PLEKHG4B: variants seen among roughly 807,000 people sequenced by gnomAD.
The protein encoded by PLEKHG4B is pleckstrin homology and RhoGEF domain containing G4B, also known as pleckstrin homology domain-containing family G member 4B.
Under a neutral mutation model 121.3 loss-of-function variants are expected in PLEKHG4B, and 111 were observed. The ratio of observed to expected loss-of-function variants is 0.92; its 90% CI spans 0.78 to 1.07. The LOEUF is 1.07. Among genes scored for constraint, PLEKHG4B ranks in the 50% least tolerant of loss-of-function variants. The pLI, the probability that PLEKHG4B is intolerant of heterozygous loss-of-function variation, is 0.00. For missense variants in PLEKHG4B, 1,831 were observed against 1,757.8 expected, an observed-to-expected ratio of 1.04 and a Z score of -0.74; for synonymous variants, 738 against 725.0, an observed-to-expected ratio of 1.02 and a Z score of -0.29.
rs116836100 is a variant in PLEKHG4B, at chr5:161,925, C to T, written c.2630C>T (p.Ser877Leu). Reference sequence around the variant, plus strand: ...GGAGAGCTGGCCAGGTGGACCCGCTCGTCCGAGTTGTGCGAGACGGTAAGA... The same window carrying T: ...GGAGAGCTGGCCAGGTGGACCCGCTTGTCCGAGTTGTGCGAGACGGTAAGA... Reference protein sequence around the residue: ...REGELARWTRSSELCETVSSW... With the variant: ...REGELARWTRLSELCETVSSW... Residue 877 changes from serine (S) to leucine (L), a missense_variant, in exon 12 of 20, where the codon TCG becomes TTG. Transcript: ENST00000637938. 359 of 1,612,218 alleles carry T rather than the reference C, an allele frequency of 2.2e-4. 1 individual carries two copies. Among genetic ancestry groups the T allele is most frequent in the South Asian group, 8.8e-4 (80 of 91,018 alleles).
rs1479020367 is a variant in PLEKHG4B at position 164,998 on chromosome 5, GGGGCAGGGCTCACAGTAATGCTCTGACA to G, written c.3476+1455_3476+1482del. ...GCGGAGCTCACACTAATGCTCTGAC[GGGGCAGGGCTCACAGTAATGCTCTGACA>G]GGGCGGAGCTCACACTAATGCTCTG... is the stretch of plus-strand genomic sequence containing the variant. On this transcript the variant is annotated intron_variant, in intron 13 of 19. Transcript: ENST00000637938. Among the ~76,000 whole-genome samples the G allele has an allele frequency of 2.0e-3, 132 of 66,010 alleles. 43 individuals carry two copies. The highest frequency in any genetic ancestry group is 3.4e-3 in the Non-Finnish European group (93 of 27,540). 43.3% of individuals were successfully genotyped at this position (66,010 alleles called of 152,430 possible).
rs1362856653 is a variant in PLEKHG4B at position 181,683 on chromosome 5, G to A, written c.4564+8G>A. 3 of 1,610,230 alleles carry A rather than the reference G, an allele frequency of 1.9e-6. No individual in the cohort carries two copies. The highest frequency in any genetic ancestry group is 2.5e-6 in the Non-Finnish European group (3 of 1,178,088). ...GCATCGTCAAGGGCACAGGTACGGT[G>A]GCTCGGTCCCGCCCTCACTCACCCT... On this transcript the variant is annotated splice_region_variant and intron_variant, in intron 19 of 19. Coordinates refer to ENST00000637938, the MANE Select transcript of PLEKHG4B (RefSeq NM_052909.5).
rs1664528855 is a variant in PLEKHG4B, at chr5:183,414, G to A, written c.*1091G>A. The stretch of plus-strand genomic sequence containing the variant: ...CCACCCAGAGCCAGCGTCTGTGCTA[G>A]AATCACAGAATTCAAACTGTGGCTG... On this transcript the variant is annotated 3_prime_UTR_variant, in exon 20 of 20. Coordinates refer to ENST00000637938, the MANE Select transcript of PLEKHG4B (RefSeq NM_052909.5). 6.6e-6 allele frequency: 1 copy of A among 152,222 alleles called. No individual in the cohort carries two copies. The highest frequency in any genetic ancestry group is 6.5e-5 in the Admixed American group (1 of 15,286). 9.4% of individuals were successfully genotyped at this position (152,222 alleles called of 1,614,324 possible). A position where few individuals can be genotyped will look rare whatever the true frequency, so the allele number is the denominator to read the frequency against.
intron 1 of PLEKHG4B, among the ~76,000 whole-genome samples, chr5:106,497 T>G (rs1422126053): frequency 6.6e-6 from 1 of 152,238 alleles, no homozygotes; most frequent in Non-Finnish European, 1.5e-5. Context: ...GTTCTTAGTT[T>G]GGCAGAAAAA....
At position 156,143 on chromosome 5, in the gene PLEKHG4B, C is replaced by T. The variant is rs746935465; in HGVS notation, c.2281C>T (p.Leu761Phe). ...CCTGGAAGACCCACTGCTTGTGTCT[C>T]TCAGGCTGGAGGGGGGCACCGTCCT... ...LVLEDPLLVS[L>F]RLEGGTVLAR... Residue 761 changes from leucine (L) to phenylalanine (F), a missense_variant, in exon 10 of 20, where the codon CTC (leucine) becomes TTC (phenylalanine). Physicochemically the swap from Leu to Phe is conservative, Grantham distance 22 (BLOSUM62 0). Transcript: ENST00000637938. This position sits in a 1 kb window ranked among gnomAD's most constrained non-coding sequence, Gnocchi z 4.4. The T allele has an allele frequency of 1.3e-6, 2 of 1,596,348 alleles. No individual in the cohort carries two copies. Among genetic ancestry groups the T allele is most frequent in the South Asian group, 2.3e-5 (2 of 88,652 alleles).
chr5:178,507 A>G (rs1162590216), intron 18 of PLEKHG4B, among the ~76,000 whole-genome samples: 2 of 152,154 alleles, frequency 1.3e-5, no homozygotes, highest in Non-Finnish European at 2.9e-5. Context: ...CAGATTTTTT[A>G]TATCCTTATT....
intron 2 of PLEKHG4B, among the ~76,000 whole-genome samples, chr5:117,476 A>G (rs181116260): frequency 1.4e-4 from 22 of 152,306 alleles, no homozygotes; most frequent in African/African-American, 5.3e-4. Flanking sequence ...TTAATCACTT[A>G]TCAAGTTATT....
chr5:120,700 T>C (rs904996869), intron 2 of PLEKHG4B, among the ~76,000 whole-genome samples: 1 of 152,128 alleles, frequency 6.6e-6, no homozygotes, highest in Admixed American at 6.5e-5. Flanking sequence ...CATTTCCTCT[T>C]GAAAGGAAAC....
chr5:140,692 G>A lies in PLEKHG4B; in HGVS notation c.1453G>A (p.Gly485Ser), dbSNP rs754586625. ...GACCCCAAACTGTGTCCCAGTAGAG[G>A]GTCCCGGCTGCACCAAAGAGGAAGG... ...VGTPNCVPVE[G>S]PGCTKEEDVL... The change falls in exon 3 of 20, where the codon GGT (glycine) becomes AGT (serine). Residue 485 changes from glycine to serine, a missense_variant. Physicochemically the swap from Gly to Ser is moderately conservative, Grantham distance 56. Coordinates refer to ENST00000637938, the MANE Select transcript of PLEKHG4B (RefSeq NM_052909.5). 7 of 1,584,398 alleles carry A rather than the reference G, an allele frequency of 4.4e-6. No individual in the cohort carries two copies. In the African/African-American group the frequency reaches 9.5e-5, roughly 21 times the overall value.
intron 18 of PLEKHG4B, among the ~76,000 whole-genome samples, chr5:175,466 G>A (rs1353142857): frequency 2.6e-5 from 4 of 151,982 alleles, no homozygotes; most frequent in African/African-American, 4.8e-5. Flanking sequence ...AGCACCTCAC[G>A]AGTAGCCAAA....
At chr5:143,687 C>A (rs1735308973) in intron 5 of PLEKHG4B, among the ~76,000 whole-genome samples, 184 bp downstream of exon 5, 2 of 152,244 alleles carry the variant, frequency 1.3e-5, no homozygotes, top group African/African-American at 4.8e-5. Context: ...CCATTTCTTG[C>A]CTTCTCTACA....
chr5:140,273 G>C lies in PLEKHG4B; in HGVS notation c.1034G>C (p.Cys345Ser). 3.4e-6 allele frequency: 5 copies of C among 1,460,678 alleles called. No homozygotes were observed. In the South Asian group the frequency reaches 7.3e-5, roughly 21 times the overall value. 90.5% of individuals were successfully genotyped at this position (1,460,678 alleles called of 1,614,324 possible). Residue 345 changes from cysteine to serine, a missense_variant, in exon 3 of 20, where the codon TGT becomes TCT. Cys to Ser is a moderately radical substitution (Grantham distance 112). Transcript: ENST00000637938. The stretch of plus-strand genomic sequence containing the variant: ...AGGCGGCCGCCGGGGGACCCCACTT[G>C]TGTGCAGCCTAGACGCTGGTTCAGG... ...SRRRPPGDPT[C>S]VQPRRWFRES...
chr5:171,875 G>GCAGCTCACCCATATGCTGCTGCCCGCGA (rs1736566457), intron 16 of PLEKHG4B, among the ~76,000 whole-genome samples: 1 of 152,234 alleles, frequency 6.6e-6, no homozygotes, highest in South Asian at 2.1e-4. Flanking sequence ...CGGGCCCGCG[G>GCAGCTCACCCATATGCTGCTGCCCGCGA]CAGCTCACCC....
intron 2 of PLEKHG4B, among the ~76,000 whole-genome samples, chr5:114,775 T>A (rs1038261936): frequency 2.0e-4 from 30 of 152,212 alleles, no homozygotes; most frequent in Admixed American, 9.8e-4. Context: ...CAATTCCTCA[T>A]CCATTCAAGA....
At chr5:127,314 A>G (rs539955332) in intron 2 of PLEKHG4B, among the ~76,000 whole-genome samples, 4 of 147,926 alleles carry the variant, frequency 2.7e-5, no homozygotes, top group Admixed American at 1.4e-4. Flanking sequence ...TAACTCCTAT[A>G]TCATTGTTTC....
At chr5:141,538 G>T (rs944341885) in intron 3 of PLEKHG4B, among the ~76,000 whole-genome samples, 2 of 150,882 alleles carry the variant, frequency 1.3e-5, no homozygotes, top group Non-Finnish European at 2.9e-5. Context: ...CGCTGGATTC[G>T]GGGCCCCTCT....
intron 3 of PLEKHG4B, among the ~76,000 whole-genome samples, chr5:141,711 A>ATTTTTTTT (rs34273619): frequency 3.9e-5 from 5 of 127,550 alleles, no homozygotes; most frequent in African/African-American, 9.1e-5. Context: ...TAAATATTTC[A>ATTTTTTTT]TTTTTTTTTT....
chr5:102,660 C>T (rs558359176), intron 1 of PLEKHG4B, among the ~76,000 whole-genome samples: 164 of 152,324 alleles, frequency 1.1e-3, no homozygotes, highest in African/African-American at 3.9e-3. Flanking sequence ...TGCCGTGCTT[C>T]CTGTATGGCC....
At chr5:125,520 A>G (rs1734587326) in intron 2 of PLEKHG4B, among the ~76,000 whole-genome samples, 2 of 152,148 alleles carry the variant, frequency 1.3e-5, no homozygotes, top group Non-Finnish European at 2.9e-5. Flanking sequence ...TTACATCTTT[A>G]TACTTTATTA....
Sources: allele counts gnomAD v4.1 joint callset (sites outside exome capture counted in the v4.1 genomes callset), GRCh38; gene constraint gnomAD v4.1.1; non-coding constraint Gnocchi (gnomAD v3.1); transcripts MANE v1.5; gene names NCBI Gene and HGNC (gene_info 2026-07-23, HGNC 2026-07-21).